Variants in MSH3 observed in about 807,000 individuals in gnomAD.
MSH3 encodes the protein DNA mismatch repair protein Msh3.
MSH3 carries 106 observed loss-of-function variants against 123.3 expected under a neutral mutation model. The observed-to-expected ratio is 0.86, with a 90% CI of 0.73 to 1.01. The LOEUF (loss-of-function observed/expected upper bound fraction) is 1.01. MSH3 is among the 50% of genes least tolerant of loss of function. MSH3 has a pLI of 0.00. For synonymous variants in MSH3, 515 were observed against 481.4 expected, an observed-to-expected ratio of 1.07 and a Z score of -0.91; for missense variants, 1,459 against 1,347.6, an observed-to-expected ratio of 1.08 and a Z score of -1.29.
At chr5:80,711,623 T>C (rs774361121) in intron 8 of MSH3, among the ~76,000 whole-genome samples, 2 of 152,186 alleles carry the variant, frequency 1.3e-5, no homozygotes, top group Non-Finnish European at 2.9e-5. Flanking sequence ...AGGAGACCCC[T>C]TTTTGAAGAC....
chr5:80,733,083 A>G (rs1306170712), intron 10 of MSH3, among the ~76,000 whole-genome samples: 1 of 152,178 alleles, frequency 6.6e-6, no homozygotes, highest in Non-Finnish European at 1.5e-5. Flanking sequence ...TGAGTAATCA[A>G]GACAGTGTGG....
intron 20 of MSH3, among the ~76,000 whole-genome samples, chr5:80,828,377 T>A (rs543421248): frequency 6.6e-6 from 1 of 152,310 alleles, no homozygotes; most frequent in East Asian, 1.9e-4. Flanking sequence ...AGAGCCCTGA[T>A]GACCCAGTCA....
In MSH3 at chr5:80,672,503, A is replaced by G. The variant is rs1003018547; in HGVS notation, c.909+143A>G. On this transcript the variant is annotated intron_variant, in intron 5 of 23. Transcript: ENST00000265081. ...GAACTGAAAGTGTTTCATAATTATTAGTATTATGTATTTATGAGTTTTTAA... is the reference window on the plus strand; with the variant it reads ...GAACTGAAAGTGTTTCATAATTATTGGTATTATGTATTTATGAGTTTTTAA... 2.0e-5 allele frequency: 14 copies of G among 717,522 alleles called. No homozygotes were observed. The African/African-American group carries it at 2.3e-4, about 12-fold the overall frequency. The allele number at this position is 717,522 out of a possible 1,614,324, so 44.4% of individuals were successfully genotyped here.
intron 20 of MSH3, among the ~76,000 whole-genome samples, chr5:80,824,081 C>T (rs13178892): frequency 0.16 from 23,998 of 152,190 alleles, 1,987 homozygotes; most frequent in East Asian, 0.24. Context: ...AATGGAGTCT[C>T]CTATGTCTAC....
chr5:80,853,086 G>A (rs1353067763), intron 20 of MSH3, among the ~76,000 whole-genome samples: 1 of 151,982 alleles, frequency 6.6e-6, no homozygotes, highest in Admixed American at 6.6e-5. Flanking sequence ...AATGTGTTCT[G>A]AAAGACATTA....
At chr5:80,739,772 T>G (rs1015342151) in intron 10 of MSH3, among the ~76,000 whole-genome samples, 3 of 152,190 alleles carry the variant, frequency 2.0e-5, no homozygotes, top group Non-Finnish European at 4.4e-5. Context: ...GTTCCTAATT[T>G]GAGGTAAAGT....
chr5:80,678,163 A>G (rs1749884013), intron 7 of MSH3, among the ~76,000 whole-genome samples: 1 of 152,208 alleles, frequency 6.6e-6, no homozygotes, highest in South Asian at 2.1e-4. Context: ...CATGGCTTTC[A>G]TAAGCATCCG....
chr5:80,837,777 A>T (rs1488576598), intron 20 of MSH3, among the ~76,000 whole-genome samples: 1 of 152,178 alleles, frequency 6.6e-6, no homozygotes, highest in Non-Finnish European at 1.5e-5. Context: ...GTGGTTCATG[A>T]CCCCAGACAC....
At chr5:80,711,943 C>T (rs1207313017) in intron 8 of MSH3, among the ~76,000 whole-genome samples, 5 of 152,152 alleles carry the variant, frequency 3.3e-5, no homozygotes, top group African/African-American at 4.8e-5. Context: ...TGTGAGCCAC[C>T]ACGCCCGGCC....
intron 4 of MSH3, 144 bp from the exon 5 acceptor site, chr5:80,672,097 TAAA>T: frequency 1.5e-6 from 1 of 678,382 alleles, no homozygotes; most frequent in Non-Finnish European, 2.5e-6. Flanking sequence ...AACATTTTTT[TAAA>T]CTTTTTATTG....
rs1750389619 is a variant in MSH3, at chr5:80,693,563, A to ATAAATATATATGCATATGTATGTGTT, written c.1340+14484_1340+14485insTATGTATGTGTTTAAATATATATGCA. The stretch of plus-strand genomic sequence containing the variant: ...TATATATGCACATGTATGTGTTTAT[A>ATAAATATATATGCATATGTATGTGTT]TAAATATATATGCACATGTATATAA... On this transcript the variant is annotated intron_variant, in intron 8 of 23. Coordinates refer to ENST00000265081, the MANE Select transcript of MSH3 (RefSeq NM_002439.5). Among the ~76,000 whole-genome samples, 8 of 151,308 alleles carry ATAAATATATATGCATATGTATGTGTT rather than the reference A, an allele frequency of 5.3e-5. No individual in the cohort carries two copies. In the Admixed American group the frequency reaches 5.3e-4, roughly 10 times the overall value.
At chr5:80,715,508 G>A (rs779712714) in intron 8 of MSH3, 3 of 152,124 alleles carry the variant, frequency 2.0e-5, no homozygotes, top group African/African-American at 7.2e-5. Flanking sequence ...GTGGGTGGGG[G>A]GTGGTATTTG....
rs1744033195 is a variant in MSH3 at position 80,761,543 on chromosome 5, CAG to C, written c.1764-2_1764-1del. On this transcript the variant is annotated splice_acceptor_variant, in intron 12 of 23. Transcript: ENST00000265081. LOFTEE classifies it high-confidence loss of function. Reference sequence around the variant, plus strand: ...GATTATTGCTATTACTCTTTTCTCACAGGGAAATAAATGCCCGGCTTGATGCT... The same window carrying C: ...GATTATTGCTATTACTCTTTTCTCACGGAAATAAATGCCCGGCTTGATGCT... The C allele has an allele frequency of 6.2e-7, 1 of 1,613,994 alleles. No individual in the cohort carries two copies. The highest frequency in any genetic ancestry group is 1.1e-5 in the South Asian group (1 of 91,078).
chr5:80,714,867 G>C (rs1183457535), intron 8 of MSH3, among the ~76,000 whole-genome samples: 1 of 152,166 alleles, frequency 6.6e-6, no homozygotes, highest in Non-Finnish European at 1.5e-5. Flanking sequence ...TCTACAGGAA[G>C]ATAAAAATTG....
chr5:80,846,106 G>C (rs1745715555), intron 20 of MSH3, among the ~76,000 whole-genome samples: 1 of 152,112 alleles, frequency 6.6e-6, no homozygotes, highest in Admixed American at 6.6e-5. Context: ...TGTCCTTTTT[G>C]TTGATGTTGA....
intron 12 of MSH3, among the ~76,000 whole-genome samples, chr5:80,749,709 A>ATTTT: frequency 6.6e-6 from 1 of 151,258 alleles, no homozygotes; most frequent in African/African-American, 2.4e-5. Context: ...AACATTTATC[A>ATTTT]TTTTTTTTTG....
chr5:80,715,932 T>C (rs1750950980), intron 8 of MSH3, among the ~76,000 whole-genome samples: 1 of 152,052 alleles, frequency 6.6e-6, no homozygotes, highest in Non-Finnish European at 1.5e-5. Context: ...CCATATCATA[T>C]ATGGAAGCAC....
At chr5:80,765,108 G>A (rs911962227) in intron 13 of MSH3, among the ~76,000 whole-genome samples, 3 of 152,160 alleles carry the variant, frequency 2.0e-5, no homozygotes, top group African/African-American at 7.2e-5. Flanking sequence ...TTTTGCTTAA[G>A]AAACTTGAGA....
intron 8 of MSH3, among the ~76,000 whole-genome samples, chr5:80,711,117 ACGAGTTTACCTAG>A (rs1161653408): frequency 6.6e-6 from 1 of 152,258 alleles, no homozygotes; most frequent in East Asian, 1.9e-4. Flanking sequence ...TTAGAACAAC[ACGAGTTTACCTAG>A]TATAGACTTT....
Sources: gnomAD v4.1 joint callset for allele counts (sites outside exome capture counted in the v4.1 genomes callset) on GRCh38, gnomAD v4.1.1 for gene constraint, MANE v1.5 for transcripts, NCBI Gene and HGNC (gene_info 2026-07-23, HGNC 2026-07-21) for gene names.